SLC66A2: variants seen among roughly 807,000 people sequenced by gnomAD.
SLC66A2 encodes the protein PQ loop repeat containing 1.
Under a neutral mutation model 25.5 loss-of-function variants are expected in SLC66A2, and 23 were observed. That is an observed-to-expected ratio of 0.90 (90% CI 0.65 to 1.28). The LOEUF is 1.28. SLC66A2 is among the 50% of genes most tolerant of loss of function. The pLI is 0.00. For missense variants in SLC66A2, 396 were observed against 373.1 expected, an observed-to-expected ratio of 1.06 and a Z score of -0.51; for synonymous variants, 193 against 166.5, an observed-to-expected ratio of 1.16 and a Z score of -1.23.
At chr18:79,943,685 C>G in intron 2 of SLC66A2, 1 of 513,420 alleles carries the variant, frequency 1.9e-6, no homozygotes, top group Non-Finnish European at 3.4e-6. Context: ...GGAGGCCCAC[C>G]CATGCCGCCT....
chr18:79,951,164 C>G (rs1486187549), intron 1 of SLC66A2, 139 bp from the exon 2 acceptor site: 1 of 221,840 alleles, frequency 4.5e-6, no homozygotes, highest in Non-Finnish European at 8.7e-6. Flanking sequence ...AGGAGCGGCC[C>G]CTGCCTGGGA....
chr18:79,935,742 G>A (rs769027005), intron 3 of SLC66A2, among the ~76,000 whole-genome samples: 2 of 152,152 alleles, frequency 1.3e-5, no homozygotes, highest in Non-Finnish European at 2.9e-5. Context: ...AGCAGAGCCT[G>A]GGTGGAGGTC....
At chr18:79,949,356 A>G (rs1281358853) in intron 2 of SLC66A2, among the ~76,000 whole-genome samples, 1 of 152,208 alleles carries the variant, frequency 6.6e-6, no homozygotes, top group Non-Finnish European at 1.5e-5. Flanking sequence ...TCACACCTCA[A>G]TAAGGTTGAC....
chr18:79,919,297 A>G lies in SLC66A2; in HGVS notation c.495T>C (p.Ile165=). The G allele has an allele frequency of 1.2e-6, 2 of 1,613,306 alleles. No homozygotes were observed. The highest frequency in any genetic ancestry group is 1.7e-6 in the Non-Finnish European group (2 of 1,180,014). ...GVAGYITYLS[I]DSALFVETLG... ...GGGTCTCCACAAACAGGGCGGAGTC[A>G]ATGGACAGGTAGGTGATGTAGCCCG... The change falls in exon 5 of 6, where the codon ATT becomes ATC. Residue 165 remains isoleucine (I), a synonymous_variant. Transcript: ENST00000397778.
At chr18:79,924,541 A>G (rs761770374) in intron 4 of SLC66A2, among the ~76,000 whole-genome samples, 1 of 152,160 alleles carries the variant, frequency 6.6e-6, no homozygotes, top group Non-Finnish European at 1.5e-5. Flanking sequence ...ACTAAAAACC[A>G]CCGAACTGTG....
Position 79,918,898 on chromosome 18 carries a change from C to T in SLC66A2, c.608+286G>A, listed in dbSNP as rs546381077. On this transcript the variant is annotated intron_variant, in intron 5 of 5. Coordinates refer to ENST00000397778, the MANE Select transcript of SLC66A2 (RefSeq NM_025078.5). The surrounding 1 kb of genome is among the most constrained non-coding windows in gnomAD (Gnocchi z 4.0). ...CTCCTGCCCCGTCTGGCCAGGCACTCGGACATCCCTCCCACTGGAAGGTTC... is the reference window on the plus strand; with the variant it reads ...CTCCTGCCCCGTCTGGCCAGGCACTTGGACATCCCTCCCACTGGAAGGTTC... Among the ~76,000 whole-genome samples the T allele has an allele frequency of 7.9e-5, 12 of 152,322 alleles. No individual in the cohort carries two copies. The highest frequency in any genetic ancestry group is 2.9e-4 in the African/African-American group (12 of 41,574).
chr18:79,946,785 G>A (rs901180346), intron 2 of SLC66A2, among the ~76,000 whole-genome samples: 43 of 152,296 alleles, frequency 2.8e-4, no homozygotes, highest in African/African-American at 9.9e-4. Context: ...GGCCAATATG[G>A]TGAAACCCCG....
At chr18:79,915,173 C>T (rs536342149) in intron 5 of SLC66A2, among the ~76,000 whole-genome samples, 18 of 152,324 alleles carry the variant, frequency 1.2e-4, no homozygotes, top group Admixed American at 2.6e-4. Context: ...TAGCAGCAAA[C>T]GCCTTATGTG....
At chr18:79,923,368 G>A (rs1278189205) in intron 4 of SLC66A2, among the ~76,000 whole-genome samples, 1 of 151,924 alleles carries the variant, frequency 6.6e-6, no homozygotes, top group Non-Finnish European at 1.5e-5. Flanking sequence ...ATGGGCAGGT[G>A]GTGGATGGGC....
At position 79,950,769 on chromosome 18, in the gene SLC66A2, ACGTAGGTGGAGAAGC is replaced by A. The variant is rs2051091706; in HGVS notation, c.143_157del (p.Gly48_Tyr52del). ...GTTGGCCACCAGCAGCACCAGGCAC[ACGTAGGTGGAGAAGC>A]CGTCGGCGTTCTGCGTCCTGCGAAT... On this transcript the variant is annotated inframe_deletion, in exon 2 of 6. Coordinates refer to ENST00000397778, the MANE Select transcript of SLC66A2 (RefSeq NM_025078.5). The A allele has an allele frequency of 6.2e-7, 1 of 1,613,144 alleles. No individual in the cohort carries two copies. The highest frequency in any genetic ancestry group is 1.3e-5 in the African/African-American group (1 of 74,952).
At chr18:79,928,521 A>G (rs1052739221) in intron 4 of SLC66A2, among the ~76,000 whole-genome samples, 1 of 152,172 alleles carries the variant, frequency 6.6e-6, no homozygotes, top group Non-Finnish European at 1.5e-5. Flanking sequence ...AGTGGTGAAC[A>G]TTACAAACAG....
Position 79,943,388 on chromosome 18 carries a change from T to C in SLC66A2, c.278A>G (p.Lys93Arg). 1 of 1,614,152 alleles carries C rather than the reference T, an allele frequency of 6.2e-7. No individual in the cohort carries two copies. The highest frequency in any genetic ancestry group is 8.5e-7 in the Non-Finnish European group (1 of 1,180,016). The change falls in exon 3 of 6, where the codon AAG becomes AGG. Residue 93 changes from lysine (K) to arginine (R), a missense_variant. By Grantham distance (26) the Lys-to-Arg change is conservative. Transcript: ENST00000397778. ...GGCCACACGGACCTCGGTGCACAGC[T>C]TCAGCATCAGCAGCATGGTCAGGAT... ...IMILTMLLML[K>R]LCTEVRVANE...
chr18:79,903,836 C>T lies in SLC66A2; in HGVS notation c.*140G>A. 1 of 698,780 alleles carries T rather than the reference C, an allele frequency of 1.4e-6. No homozygotes were observed. The highest frequency in any genetic ancestry group is 2.3e-6 in the Non-Finnish European group (1 of 431,980). 43.3% of individuals were successfully genotyped at this position (698,780 alleles called of 1,614,324 possible). On this transcript the variant is annotated 3_prime_UTR_variant, in exon 6 of 6. Coordinates refer to ENST00000397778, the MANE Select transcript of SLC66A2 (RefSeq NM_025078.5). The stretch of plus-strand genomic sequence containing the variant: ...CCACTGCCCACCCTGAGACACCCCA[C>T]AGAGGCTGATGGAGACCCCAATGCC...
chr18:79,949,928 C>T (rs1408726956), intron 2 of SLC66A2: 1 of 152,242 alleles, frequency 6.6e-6, no homozygotes, highest in African/African-American at 2.4e-5. Context: ...AACTCACCCT[C>T]CCAATTATGT....
chr18:79,907,407 A>G lies in SLC66A2; in HGVS notation c.609-3224T>C, dbSNP rs867394378. ...CGCTCTGTCACCCAGGCTGGAGTGC[A>G]GTGGCGCGATCTCAGCTCACTGCAA... is the stretch of plus-strand genomic sequence containing the variant. On this transcript the variant is annotated intron_variant, in intron 5 of 5. Transcript: ENST00000397778. Among the ~76,000 whole-genome samples, 123 of 127,524 alleles carry G rather than the reference A, an allele frequency of 9.6e-4. 1 individual carries two copies. Among genetic ancestry groups the G allele is most frequent in the African/African-American group, 3.6e-3 (121 of 33,348 alleles). The allele number at this position is 127,524 out of a possible 152,430, so 83.7% of individuals were successfully genotyped here.
At chr18:79,943,278 C>A in intron 3 of SLC66A2, 51 bp downstream of exon 3, 1 of 1,587,304 alleles carries the variant, frequency 6.3e-7, no homozygotes, top group South Asian at 1.1e-5. Context: ...TCACCAGAGT[C>A]ACCTACGCCC....
At chr18:79,910,697 C>T (rs372340791) in intron 5 of SLC66A2, among the ~76,000 whole-genome samples, 4 of 152,212 alleles carry the variant, frequency 2.6e-5, no homozygotes, top group African/African-American at 9.7e-5. Context: ...AATAGAGAAA[C>T]GTGGCACCCC....
rs768000065 is a variant in SLC66A2 at position 79,904,090 on chromosome 18, G to A, written c.702C>T (p.Gly234=). The A allele has an allele frequency of 1.9e-6, 3 of 1,612,750 alleles. No homozygotes were observed. Among genetic ancestry groups the A allele is most frequent in the Non-Finnish European group, 2.5e-6 (3 of 1,179,730 alleles). ...CCAGGTCCACCAGCACCTGCAGCAG[G>A]CCGCACACGGAGAACTGCAGAGGGG... is the stretch of plus-strand genomic sequence containing the variant. ...KGAPLQFSVC[G]LLQVLVDLAI... is the part of the protein sequence containing the mutation. The change falls in exon 6 of 6, where the codon GGC becomes GGT. Residue 234 remains glycine, a synonymous_variant. Transcript: ENST00000397778. The surrounding 1 kb of genome is among the most constrained non-coding windows in gnomAD (Gnocchi z 6.3).
At chr18:79,948,712 TC>T (rs2051015503) in intron 2 of SLC66A2, among the ~76,000 whole-genome samples, 1 of 152,200 alleles carries the variant, frequency 6.6e-6, no homozygotes, top group Non-Finnish European at 1.5e-5. Flanking sequence ...GGAACTTCTT[TC>T]CCGTATGGTT....
Sources: allele counts gnomAD v4.1 joint callset (sites outside exome capture counted in the v4.1 genomes callset), GRCh38; gene constraint gnomAD v4.1.1; non-coding constraint Gnocchi (gnomAD v3.1); transcripts MANE v1.5; gene names NCBI Gene and HGNC (gene_info 2026-07-23, HGNC 2026-07-21).